Variants in CYYR1 observed in about 807,000 individuals in gnomAD.
CYYR1 encodes cysteine and tyrosine-rich protein 1.
In CYYR1, 14 loss-of-function variants were observed where a neutral mutation model predicts 15.2. That is an observed-to-expected ratio of 0.92 (90% CI 0.61 to 1.44). CYYR1 has a LOEUF of 1.44. Ranked by LOEUF, CYYR1 falls within the 40% of genes most tolerant of loss-of-function variation. The pLI is 0.00. For missense variants in CYYR1, 228 were observed against 209.5 expected, an observed-to-expected ratio of 1.09 and a Z score of -0.54; for synonymous variants, 80 against 77.4, an observed-to-expected ratio of 1.03 and a Z score of -0.18.
At chr21:26,570,129 G>A (rs929077808) in intron 1 of CYYR1, among the ~76,000 whole-genome samples, 31 of 152,112 alleles carry the variant, frequency 2.0e-4, no homozygotes, top group African/African-American at 4.8e-5. Flanking sequence ...CAGTGTTTGC[G>A]CCATACAGGA....
intron 2 of CYYR1, among the ~76,000 whole-genome samples, chr21:26,485,657 A>G (rs2065239504): frequency 6.6e-6 from 1 of 152,114 alleles, no homozygotes. Context: ...ATGTATCAGT[A>G]GTTCATTCCT....
chr21:26,541,989 G>A (rs1290034940), intron 2 of CYYR1, among the ~76,000 whole-genome samples: 1 of 152,018 alleles, frequency 6.6e-6, no homozygotes, highest in East Asian at 1.9e-4. Context: ...CAAAGCAAGT[G>A]GGACAAACAG....
chr21:26,511,991 C>CACACACAG (rs1428706257), intron 2 of CYYR1, among the ~76,000 whole-genome samples: 1 of 150,986 alleles, frequency 6.6e-6, no homozygotes, highest in Non-Finnish European at 1.5e-5. Flanking sequence ...CACACATACA[C>CACACACAG]ACACACACAC....
intron 2 of CYYR1, among the ~76,000 whole-genome samples, chr21:26,501,975 A>G (rs1466188281): frequency 1.3e-5 from 2 of 152,218 alleles, no homozygotes; most frequent in Non-Finnish European, 1.5e-5. Flanking sequence ...CCTTAGGGTA[A>G]AAAGAAATAT....
At chr21:26,517,222 G>T (rs1303856446) in intron 2 of CYYR1, among the ~76,000 whole-genome samples, 2 of 146,532 alleles carry the variant, frequency 1.4e-5, no homozygotes, top group South Asian at 2.3e-4. Context: ...TCAATAAAAT[G>T]AGTTATTGTG....
chr21:26,480,565 CT>C (rs140733070), intron 2 of CYYR1, 136 bp from the exon 3 acceptor site: 2,777 of 587,702 alleles, frequency 4.7e-3, no homozygotes, highest in East Asian at 0.019. Flanking sequence ...TTTTTCTTTT[CT>C]TTTTTTTTTT....
intron 2 of CYYR1, among the ~76,000 whole-genome samples, chr21:26,516,436 C>T (rs1045360932): frequency 1.3e-5 from 2 of 152,140 alleles, no homozygotes; most frequent in Non-Finnish European, 2.9e-5. Context: ...CAAGCAAATC[C>T]ATTGCTATTG....
intron 3 of CYYR1, among the ~76,000 whole-genome samples, chr21:26,476,301 G>C (rs1037779901): frequency 3.3e-5 from 5 of 152,012 alleles, no homozygotes; most frequent in African/African-American, 1.2e-4. Context: ...CACACTCAAA[G>C]GTCCATGATC....
At chr21:26,554,182 A>T (rs1352364748) in intron 2 of CYYR1, among the ~76,000 whole-genome samples, 1 of 152,196 alleles carries the variant, frequency 6.6e-6, no homozygotes, top group African/African-American at 2.4e-5. Flanking sequence ...CAATCTATAC[A>T]GCACTAGGAT....
At chr21:26,512,499 C>T (rs946551113) in intron 2 of CYYR1, among the ~76,000 whole-genome samples, 3 of 152,100 alleles carry the variant, frequency 2.0e-5, no homozygotes, top group African/African-American at 7.2e-5. Flanking sequence ...CCGCGCCCGG[C>T]CCACAGAGTC....
rs116250586 is a variant in CYYR1, at chr21:26,560,958, A to G, written c.176+5308T>C. On this transcript the variant is annotated intron_variant, in intron 2 of 3. Coordinates refer to ENST00000652641, the MANE Select transcript of CYYR1 (RefSeq NM_001320768.2). ...GAAACCTTATTTTTCCTTCCTCAAA[A>G]CCAATTCTGTTTCTGACAATTAGGC... 5.3e-3 allele frequency among the ~76,000 whole-genome samples: 803 copies of G among 152,326 alleles called. 2 individuals carry two copies. Among genetic ancestry groups the G allele is most frequent in the African/African-American group, 0.018 (760 of 41,588 alleles).
intron 2 of CYYR1, among the ~76,000 whole-genome samples, chr21:26,543,895 G>T (rs1978763101): frequency 6.6e-6 from 1 of 151,864 alleles, no homozygotes; most frequent in Admixed American, 6.6e-5. Context: ...TACAGAGTGA[G>T]ACTCCATCTC....
At chr21:26,473,818 C>T (rs944767144) in intron 3 of CYYR1, among the ~76,000 whole-genome samples, 23 of 152,128 alleles carry the variant, frequency 1.5e-4, no homozygotes, top group African/African-American at 5.3e-4. Context: ...CACCTTTTTA[C>T]TCTAATTAAA....
Position 26,468,645 on chromosome 21 carries a change from A to G in CYYR1, c.335-11T>C. 1 of 1,581,352 alleles carries G rather than the reference A, an allele frequency of 6.3e-7. No homozygotes were observed. Among genetic ancestry groups the G allele is most frequent in the African/African-American group, 1.3e-5 (1 of 74,104 alleles). On this transcript the variant is annotated splice_polypyrimidine_tract_variant and intron_variant, in intron 3 of 3. Coordinates refer to ENST00000652641, the MANE Select transcript of CYYR1 (RefSeq NM_001320768.2). ...AGGGTGGTGGTCCTGCTGAAAAAGA[A>G]GGGGAAGAGAACATCAAGGAGTTAG...
At chr21:26,567,008 CAAAAAAAAA>C (rs71183563) in intron 1 of CYYR1, among the ~76,000 whole-genome samples, 1 of 129,754 alleles carries the variant, frequency 7.7e-6, no homozygotes, top group Non-Finnish European at 1.6e-5. Context: ...GGCTCTGTCT[CAAAAAAAAA>C]AAAAAAAAAA....
intron 3 of CYYR1, chr21:26,477,795 G>GT (rs2065123570): frequency 1.0e-6 from 1 of 984,144 alleles, no homozygotes; most frequent in Non-Finnish European, 1.2e-6. Context: ...CTTGGGTTAT[G>GT]GTTTGACCAA....
intron 3 of CYYR1, chr21:26,477,508 A>G (rs1281936991): frequency 4.8e-6 from 1 of 206,342 alleles, no homozygotes; most frequent in East Asian, 1.8e-4. Flanking sequence ...ATAAAGTTTT[A>G]AAAACATATT....
At chr21:26,559,117 A>G (rs1033815996) in intron 2 of CYYR1, among the ~76,000 whole-genome samples, 2 of 152,136 alleles carry the variant, frequency 1.3e-5, no homozygotes, top group South Asian at 2.1e-4. Context: ...CTTTGCCCAC[A>G]TTGCTTGGCA....
chr21:26,529,647 G>GA (rs2065906682), intron 2 of CYYR1, among the ~76,000 whole-genome samples: 1 of 152,194 alleles, frequency 6.6e-6, no homozygotes, highest in Admixed American at 6.5e-5. Context: ...TGCAGATCCT[G>GA]AAAACATAGG....
Sources: gnomAD v4.1 joint callset for allele counts (sites outside exome capture counted in the v4.1 genomes callset) on GRCh38, gnomAD v4.1.1 for gene constraint, MANE v1.5 for transcripts, NCBI Gene and HGNC (gene_info 2026-07-23, HGNC 2026-07-21) for gene names.